The following MAGI1 variants were observed in gnomAD, a reference collection of about 807,000 sequenced individuals.
The protein encoded by MAGI1 is membrane-associated guanylate kinase, WW and PDZ domain-containing protein 1.
A neutral mutation model predicts 139.9 loss-of-function variants in MAGI1; 58 were observed. The observed-to-expected ratio is 0.41, with a 90% CI of 0.34 to 0.52. MAGI1 has a LOEUF of 0.52. Among genes scored for constraint, MAGI1 ranks in the 20% least tolerant of loss-of-function variants. The probability of loss-of-function intolerance (pLI) is 0.12; values close to 1 mark genes in which losing one functional copy is unlikely to be tolerated. For synonymous variants in MAGI1, 812 were observed against 737.9 expected (o/e 1.10, Z -1.63); for missense variants, 1,874 against 1,901.6 (o/e 0.99, Z 0.27).
chr3:65,798,003 T>C (rs1236207954), intron 1 of MAGI1, among the ~76,000 whole-genome samples: 1 of 152,080 alleles, frequency 6.6e-6, no homozygotes, highest in Non-Finnish European at 1.5e-5. Flanking sequence ...CTTCAATTCT[T>C]CACCTTAAAA....
intron 1 of MAGI1, chr3:65,925,163 G>C (rs1311663876): frequency 2.6e-5 from 4 of 152,152 alleles, no homozygotes; most frequent in Non-Finnish European, 5.9e-5. Context: ...TATCATTTAA[G>C]CCATGAGATG....
intron 1 of MAGI1, among the ~76,000 whole-genome samples, chr3:65,996,670 G>A (rs946038118): frequency 1.3e-5 from 2 of 152,084 alleles, no homozygotes; most frequent in Admixed American, 6.6e-5. Flanking sequence ...GTTGGGTGGA[G>A]AACTCCCACA....
chr3:65,826,612 C>A (rs542520762), intron 1 of MAGI1, among the ~76,000 whole-genome samples: 111 of 152,272 alleles, frequency 7.3e-4, no homozygotes, highest in Middle Eastern at 3.4e-3. Context: ...ACAATTGGTA[C>A]ATTTTGTGCC....
chr3:65,948,045 G>T (rs185328825), intron 1 of MAGI1, among the ~76,000 whole-genome samples: 1 of 149,298 alleles, frequency 6.7e-6, no homozygotes, highest in South Asian at 2.2e-4. Flanking sequence ...AGGTTCAAGC[G>T]ATTGTCCTGC....
intron 1 of MAGI1, among the ~76,000 whole-genome samples, chr3:65,966,312 C>CA (rs1461743587): frequency 6.6e-6 from 1 of 152,190 alleles, no homozygotes; most frequent in Non-Finnish European, 1.5e-5. Context: ...TACCAAACTA[C>CA]AAAAAACAGC....
intron 1 of MAGI1, among the ~76,000 whole-genome samples, chr3:65,624,492 A>T (rs2083858771): frequency 6.6e-6 from 1 of 152,224 alleles, no homozygotes; most frequent in Non-Finnish European, 1.5e-5. Flanking sequence ...TCAAACACAG[A>T]ATGTTGAGCA....
intron 1 of MAGI1, among the ~76,000 whole-genome samples, chr3:65,869,947 A>G (rs1453145352): frequency 6.6e-6 from 1 of 151,672 alleles, no homozygotes; most frequent in East Asian, 1.9e-4. Context: ...CATCTCTCCT[A>G]TTCTTTACCC....
chr3:65,818,706 T>C (rs2041763597), intron 1 of MAGI1, among the ~76,000 whole-genome samples: 1 of 152,132 alleles, frequency 6.6e-6, no homozygotes, highest in African/African-American at 2.4e-5. Context: ...AAGTAGTCAC[T>C]GAAGAACTCA....
rs533432880 is a variant in MAGI1 at position 65,380,035 on chromosome 3, A to G, written c.2702-481T>C. Among the ~76,000 whole-genome samples, 9 of 152,342 alleles carry G rather than the reference A, an allele frequency of 5.9e-5. No homozygotes were observed. The East Asian group carries it at 1.5e-3, about 26-fold the overall frequency. ...CTTTTTCCATCAGGCGACAAACAGT[A>G]AGGTGATGGTAACGTTGAGGCTACC... On this transcript the variant is annotated intron_variant, in intron 16 of 22. Transcript: ENST00000402939.
intron 1 of MAGI1, among the ~76,000 whole-genome samples, chr3:65,999,972 CTTT>C (rs3048011): frequency 1.8e-5 from 2 of 113,280 alleles, no homozygotes; most frequent in Non-Finnish European, 3.4e-5. Context: ...TCCCCCCACG[CTTT>C]TTTTTTTTTT....
At chr3:65,542,092 T>C (rs746725794) in intron 2 of MAGI1, among the ~76,000 whole-genome samples, 1 of 152,176 alleles carries the variant, frequency 6.6e-6, no homozygotes, top group Non-Finnish European at 1.5e-5. Flanking sequence ...AGAAAATCAA[T>C]GTGCAAAAAT....
chr3:65,845,624 C>T (rs1372494307), intron 1 of MAGI1, among the ~76,000 whole-genome samples: 2 of 152,176 alleles, frequency 1.3e-5, no homozygotes, highest in Non-Finnish European at 2.9e-5. Flanking sequence ...CATATTTCTA[C>T]CACATCACTC....
At chr3:65,497,088 G>A (rs367853674) in intron 2 of MAGI1, among the ~76,000 whole-genome samples, 1 of 152,134 alleles carries the variant, frequency 6.6e-6, no homozygotes, top group South Asian at 2.1e-4. Flanking sequence ...CCTACGAGCA[G>A]AGAGTTGGAG....
chr3:65,932,171 T>C (rs2062833938), intron 1 of MAGI1, among the ~76,000 whole-genome samples: 1 of 152,220 alleles, frequency 6.6e-6, no homozygotes, highest in South Asian at 2.1e-4. Flanking sequence ...TGCACTCTTC[T>C]GATACGACTT....
At chr3:65,600,908 A>G (rs1329616797) in intron 2 of MAGI1, among the ~76,000 whole-genome samples, 1 of 152,118 alleles carries the variant, frequency 6.6e-6, no homozygotes, top group East Asian at 1.9e-4. Flanking sequence ...TCAAAACCCC[A>G]CCTCTGGCTT....
intron 1 of MAGI1, among the ~76,000 whole-genome samples, chr3:65,740,628 T>C (rs1165015303): frequency 2.0e-5 from 3 of 152,208 alleles, no homozygotes; most frequent in African/African-American, 7.2e-5. Context: ...GATGGAAAAC[T>C]TAATTACTGT....
At chr3:65,460,092 AT>A (rs1949671628) in intron 5 of MAGI1, among the ~76,000 whole-genome samples, 1 of 152,042 alleles carries the variant, frequency 6.6e-6, no homozygotes, top group African/African-American at 2.4e-5. Context: ...CTTAATTCCT[AT>A]TTTCCCATGT....
chr3:65,730,534 A>G (rs1263957542), intron 1 of MAGI1, among the ~76,000 whole-genome samples: 1 of 152,194 alleles, frequency 6.6e-6, no homozygotes, highest in Non-Finnish European at 1.5e-5. Context: ...ATACAACTCT[A>G]GACCAGTCAC....
At chr3:65,360,506 G>A (rs1940731709) in intron 22 of MAGI1, 6 of 985,090 alleles carry the variant, frequency 6.1e-6, no homozygotes, top group Non-Finnish European at 7.2e-6. Flanking sequence ...GGAACTCTAT[G>A]TATAACCTGG....
Sources: gnomAD v4.1 joint callset for allele counts (sites outside exome capture counted in the v4.1 genomes callset) on GRCh38, gnomAD v4.1.1 for gene constraint, MANE v1.5 for transcripts, NCBI Gene and HGNC (gene_info 2026-07-23, HGNC 2026-07-21) for gene names.